LUZP2: variants seen among roughly 807,000 people sequenced by gnomAD.
LUZP2 encodes leucine zipper protein 2.
LUZP2 carries 52 observed loss-of-function variants against 51.6 expected under a neutral mutation model. The observed-to-expected ratio is 1.01, with a 90% CI of 0.81 to 1.27. The LOEUF is 1.27. Among genes scored for constraint, LUZP2 ranks in the 50% most tolerant of loss-of-function variants. The pLI is 0.00. For missense variants in LUZP2, 436 were observed against 395.4 expected, an observed-to-expected ratio of 1.10 and a Z score of -0.87; for synonymous variants, 154 against 137.3, an observed-to-expected ratio of 1.12 and a Z score of -0.85.
In LUZP2 at chr11:25,032,651, C is replaced by T. The variant is rs1207832251; in HGVS notation, c.766-17387C>T. 2.0e-5 allele frequency among the ~76,000 whole-genome samples: 3 copies of T among 151,982 alleles called. No homozygotes were observed. The South Asian group carries it at 6.2e-4, about 32-fold the overall frequency. ...GTGCTTGTGAAGGGAAAGGTGATTG[C>T]TCTGGGCAAATAGCATTGATAAAAT... On this transcript the variant is annotated intron_variant, in intron 9 of 11. Coordinates refer to ENST00000336930, the MANE Select transcript of LUZP2 (RefSeq NM_001009909.4).
intron 1 of LUZP2, among the ~76,000 whole-genome samples, chr11:24,669,655 A>G (rs570260500): frequency 6.6e-6 from 1 of 152,174 alleles, no homozygotes; most frequent in African/African-American, 2.4e-5. Context: ...TAAAGCAGGC[A>G]CAATTTATAG....
intron 1 of LUZP2, among the ~76,000 whole-genome samples, chr11:24,584,056 C>T (rs1462201554): frequency 6.6e-6 from 1 of 151,982 alleles, no homozygotes; most frequent in Non-Finnish European, 1.5e-5. Context: ...TTTATTCTTT[C>T]ATTAATTCAA....
At chr11:24,812,916 G>A (rs1171720676) in intron 5 of LUZP2, among the ~76,000 whole-genome samples, 2 of 152,104 alleles carry the variant, frequency 1.3e-5, no homozygotes, top group African/African-American at 4.8e-5. Flanking sequence ...TAGAGATCTG[G>A]CTCCTTGGAA....
At chr11:24,682,888 C>T (rs1337803321) in intron 1 of LUZP2, among the ~76,000 whole-genome samples, 2 of 151,270 alleles carry the variant, frequency 1.3e-5, no homozygotes, top group African/African-American at 2.4e-5. Context: ...CCTCTAGTCC[C>T]TGCTACTCGG....
intron 5 of LUZP2, among the ~76,000 whole-genome samples, chr11:24,853,921 C>T (rs922701213): frequency 6.6e-6 from 1 of 152,118 alleles, no homozygotes; most frequent in Admixed American, 6.6e-5. Flanking sequence ...CGCTCCAGAG[C>T]CTTTTTGCCT....
chr11:24,706,459 C>T (rs921444834), intron 1 of LUZP2, among the ~76,000 whole-genome samples: 6 of 152,112 alleles, frequency 3.9e-5, no homozygotes, highest in African/African-American at 9.7e-5. Flanking sequence ...CATTCCATCT[C>T]AGCTAATAAT....
At chr11:24,896,391 G>T (rs988281422) in intron 5 of LUZP2, among the ~76,000 whole-genome samples, 21 of 152,286 alleles carry the variant, frequency 1.4e-4, no homozygotes, top group African/African-American at 4.8e-4. Context: ...GCAGCCAGCC[G>T]GCCGGCGATG....
intron 5 of LUZP2, among the ~76,000 whole-genome samples, chr11:24,861,198 A>G (rs1007097909): frequency 1.3e-5 from 2 of 152,156 alleles, no homozygotes; most frequent in Non-Finnish European, 2.9e-5. Flanking sequence ...GGAAGAAAGG[A>G]TATCAGAGTT....
At chr11:25,014,042 T>C (rs1187405996) in intron 9 of LUZP2, among the ~76,000 whole-genome samples, 1 of 152,106 alleles carries the variant, frequency 6.6e-6, no homozygotes, top group African/African-American at 2.4e-5. Context: ...GAATGATGAT[T>C]TCCAGCTTCA....
Position 25,030,811 on chromosome 11 carries a change from C to A in LUZP2, c.766-19227C>A, listed in dbSNP as rs190134960. Among the ~76,000 whole-genome samples the A allele has an allele frequency of 6.9e-5, 10 of 144,184 alleles. No homozygotes were observed. The East Asian group carries it at 1.6e-3, about 24-fold the overall frequency. 94.6% of individuals were successfully genotyped at this position (144,184 alleles called of 152,430 possible). A position where few individuals can be genotyped will look rare whatever the true frequency, so the allele number is the denominator to read the frequency against. The stretch of plus-strand genomic sequence containing the variant: ...AAGTATTATTTACAAATTCTAAATA[C>A]TAATCTTTTGATTTGCAAAAAGCTA... On this transcript the variant is annotated intron_variant, in intron 9 of 11. Coordinates refer to ENST00000336930, the MANE Select transcript of LUZP2 (RefSeq NM_001009909.4).
At chr11:24,848,586 G>T (rs1851280144) in intron 5 of LUZP2, among the ~76,000 whole-genome samples, 1 of 151,868 alleles carries the variant, frequency 6.6e-6, no homozygotes, top group Admixed American at 6.6e-5. Context: ...TTTCTCTTTT[G>T]CTTTGCTGCA....
intron 7 of LUZP2, among the ~76,000 whole-genome samples, chr11:24,917,048 T>C (rs2133805993): frequency 6.6e-6 from 1 of 152,302 alleles, no homozygotes; most frequent in Non-Finnish European, 1.5e-5. Flanking sequence ...AGATGCTATC[T>C]CATTGTGGTT....
chr11:24,690,319 G>A (rs1231371652), intron 1 of LUZP2, among the ~76,000 whole-genome samples: 1 of 151,964 alleles, frequency 6.6e-6, no homozygotes, highest in East Asian at 1.9e-4. Flanking sequence ...GCATACCAGG[G>A]TTTATTTGTT....
chr11:24,504,078 C>T (rs1026086908), intron 1 of LUZP2, among the ~76,000 whole-genome samples: 3 of 152,106 alleles, frequency 2.0e-5, no homozygotes, highest in African/African-American at 7.2e-5. Flanking sequence ...CATTTACCTC[C>T]CATAAGATAC....
chr11:24,976,895 G>A (rs1345196903), intron 8 of LUZP2, among the ~76,000 whole-genome samples: 1 of 151,634 alleles, frequency 6.6e-6, no homozygotes, highest in Non-Finnish European at 1.5e-5. Context: ...GTCTTTGTGA[G>A]TTCATGGCTC....
chr11:24,645,147 A>G lies in LUZP2; in HGVS notation c.63-84022A>G, dbSNP rs1411189835. ...TAATGACTTGAATTATCAGTTTACT[A>G]TCAGACTGTTTTGCCTATTGCAAAT... On this transcript the variant is annotated intron_variant, in intron 1 of 11. Transcript: ENST00000336930. Among the ~76,000 whole-genome samples the G allele has an allele frequency of 4.6e-5, 7 of 152,322 alleles. No homozygotes were observed. In the South Asian group the frequency reaches 6.2e-4, roughly 14 times the overall value.
intron 1 of LUZP2, among the ~76,000 whole-genome samples, chr11:24,547,169 A>G (rs1332414396): frequency 6.7e-6 from 1 of 149,330 alleles, no homozygotes; most frequent in African/African-American, 2.5e-5. Flanking sequence ...ATGGTTATTT[A>G]TATTTCTGTC....
rs148911322 is a variant in LUZP2 at position 24,682,732 on chromosome 11, G to C, written c.63-46437G>C. ...AGAATAATAATGTTAGTGGCCAGGTGCAGTGACTCATGCCTGTAATCCCAG... is the reference window on the plus strand; with the variant it reads ...AGAATAATAATGTTAGTGGCCAGGTCCAGTGACTCATGCCTGTAATCCCAG... On this transcript the variant is annotated intron_variant, in intron 1 of 11. Transcript: ENST00000336930. Among the ~76,000 whole-genome samples the C allele has an allele frequency of 4.0e-3, 602 of 151,944 alleles. 4 individuals carry two copies. The highest frequency in any genetic ancestry group is 7.0e-3 in the Non-Finnish European group (479 of 67,972).
At chr11:24,736,024 CA>C (rs1211308129) in intron 3 of LUZP2, among the ~76,000 whole-genome samples, 7 of 151,928 alleles carry the variant, frequency 4.6e-5, no homozygotes, top group Non-Finnish European at 8.8e-5. Flanking sequence ...ATATAGAAGA[CA>C]AAAAGTCTAC....
Sources: allele counts gnomAD v4.1 joint callset (sites outside exome capture counted in the v4.1 genomes callset), GRCh38; gene constraint gnomAD v4.1.1; transcripts MANE v1.5; gene names NCBI Gene and HGNC (gene_info 2026-07-23, HGNC 2026-07-21).